The following KLHL1 variants were observed in gnomAD, a reference collection of about 807,000 sequenced individuals.
KLHL1 encodes kelch-like protein 1.
Under a neutral mutation model 77.7 loss-of-function variants are expected in KLHL1, and 47 were observed. That is an observed-to-expected ratio of 0.60 (90% CI 0.48 to 0.77). The LOEUF is 0.77. Ranked by LOEUF, KLHL1 falls within the 30% of genes least tolerant of loss-of-function variation. The pLI, the probability that KLHL1 is intolerant of heterozygous loss-of-function variation, is 0.00. For missense variants in KLHL1, 925 were observed against 910.8 expected (o/e 1.02, Z -0.20); for synonymous variants, 360 against 325.2 (o/e 1.11, Z -1.15).
Position 70,084,622 on chromosome 13 carries a change from C to CTTTTTTTTTTTTTTTTT in KLHL1, c.497+22564_497+22580dup, listed in dbSNP as rs71116988. On this transcript the variant is annotated intron_variant, in intron 1 of 10. Coordinates refer to ENST00000377844, the MANE Select transcript of KLHL1 (RefSeq NM_020866.3). ...TACAGGCACCTGCCACCACGCCAGGCTTTTTTTTTTTTTTTTTTTTTTTTT... is the reference window on the plus strand; with the variant it reads ...TACAGGCACCTGCCACCACGCCAGGCTTTTTTTTTTTTTTTTTTTTTTTTTTTTTTTTTTTTTTTTTT... Among the ~76,000 whole-genome samples the CTTTTTTTTTTTTTTTTT allele has an allele frequency of 2.4e-3, 36 of 14,954 alleles. 9 individuals carry two copies. The highest frequency in any genetic ancestry group is 0.014 in the East Asian group (3 of 220). The allele number at this position is 14,954 out of a possible 152,430, so 9.8% of individuals were successfully genotyped here.
intron 1 of KLHL1, among the ~76,000 whole-genome samples, chr13:69,981,215 T>A (rs1192383780): frequency 1.4e-5 from 2 of 143,890 alleles, no homozygotes; most frequent in African/African-American, 5.9e-5. Context: ...GTGTACATTA[T>A]GACAATACTA....
chr13:69,828,324 A>G (rs1451797965), intron 6 of KLHL1, among the ~76,000 whole-genome samples: 3 of 150,186 alleles, frequency 2.0e-5, no homozygotes, highest in Non-Finnish European at 2.9e-5. Flanking sequence ...GAGCTGAAAC[A>G]AATGTAGAGA....
intron 1 of KLHL1, among the ~76,000 whole-genome samples, chr13:70,066,221 T>C (rs932161049): frequency 6.6e-6 from 1 of 152,164 alleles, no homozygotes; most frequent in Non-Finnish European, 1.5e-5. Flanking sequence ...GGTAGAAAAT[T>C]GAAGTGTGTT....
intron 4 of KLHL1, among the ~76,000 whole-genome samples, chr13:69,931,031 A>G (rs1232017717): frequency 6.6e-6 from 1 of 151,656 alleles, no homozygotes; most frequent in African/African-American, 2.4e-5. Flanking sequence ...TTAATTTGTT[A>G]CTATCATATA....
At chr13:69,900,079 C>G (rs76023102) in intron 4 of KLHL1, among the ~76,000 whole-genome samples, 1,651 of 152,206 alleles carry the variant, frequency 0.011, 12 homozygotes, top group Middle Eastern at 0.044. Flanking sequence ...ACATAGGTCT[C>G]CTTCAACCTT....
At chr13:69,945,250 T>C (rs1482097369) in intron 3 of KLHL1, among the ~76,000 whole-genome samples, 1 of 151,862 alleles carries the variant, frequency 6.6e-6, no homozygotes, top group Non-Finnish European at 1.5e-5. Flanking sequence ...TGGGATTACA[T>C]GCGTGAGCCA....
intron 1 of KLHL1, among the ~76,000 whole-genome samples, chr13:70,026,358 T>G (rs796069345): frequency 2.0e-5 from 3 of 152,130 alleles, no homozygotes; most frequent in Non-Finnish European, 4.4e-5. Flanking sequence ...CAGTACTACA[T>G]ATAGTTAACT....
At chr13:70,062,162 C>G (rs539286201) in intron 1 of KLHL1, among the ~76,000 whole-genome samples, 1 of 152,054 alleles carries the variant, frequency 6.6e-6, no homozygotes, top group Admixed American at 6.6e-5. Context: ...ATGGGAAGCA[C>G]GCTTGTATTT....
chr13:69,785,675 A>G (rs1414230866), intron 7 of KLHL1, among the ~76,000 whole-genome samples: 1 of 150,746 alleles, frequency 6.6e-6, no homozygotes, highest in South Asian at 2.1e-4. Context: ...AACTGAAGGA[A>G]ATAGAGACAC....
chr13:70,066,964 T>C (rs1887022910), intron 1 of KLHL1, among the ~76,000 whole-genome samples: 1 of 152,226 alleles, frequency 6.6e-6, no homozygotes, highest in African/African-American at 2.4e-5. Flanking sequence ...AGCATAAGTC[T>C]TTAGTGTTTT....
intron 2 of KLHL1, among the ~76,000 whole-genome samples, chr13:69,962,849 C>T (rs1884108753): frequency 6.6e-6 from 1 of 151,936 alleles, no homozygotes; most frequent in East Asian, 1.9e-4. Flanking sequence ...TAGAATAAAG[C>T]AATTACTTTT....
chr13:69,938,274 A>T (rs75274319), intron 4 of KLHL1, among the ~76,000 whole-genome samples: 12,886 of 152,164 alleles, frequency 0.085, 609 homozygotes, highest in Non-Finnish European at 0.11. Flanking sequence ...AGAGCATCAC[A>T]TTTTCAAAAT....
intron 3 of KLHL1, among the ~76,000 whole-genome samples, chr13:69,959,429 T>C (rs1386248424): frequency 6.6e-6 from 1 of 151,914 alleles, no homozygotes; most frequent in Non-Finnish European, 1.5e-5. Context: ...TTCCTCCATA[T>C]GACTGTTTCA....
chr13:70,046,221 A>G (rs1288198509), intron 1 of KLHL1, among the ~76,000 whole-genome samples: 3 of 143,804 alleles, frequency 2.1e-5, no homozygotes, highest in African/African-American at 5.1e-5. Context: ...AAGTGTGAGA[A>G]AAAAAAAAAT....
chr13:70,070,061 G>T (rs1157052550), intron 1 of KLHL1, among the ~76,000 whole-genome samples: 1 of 151,696 alleles, frequency 6.6e-6, no homozygotes, highest in Admixed American at 6.6e-5. Context: ...CCAGGTAGTT[G>T]GGAGGCTGAG....
At chr13:69,849,856 T>C (rs927138044) in intron 5 of KLHL1, among the ~76,000 whole-genome samples, 10 of 151,594 alleles carry the variant, frequency 6.6e-5, no homozygotes, top group Non-Finnish European at 1.2e-4. Flanking sequence ...TTTTAAATAA[T>C]TTATTCATTA....
chr13:69,901,722 G>C (rs1881865266), intron 4 of KLHL1, among the ~76,000 whole-genome samples: 1 of 151,870 alleles, frequency 6.6e-6, no homozygotes, highest in South Asian at 2.1e-4. Context: ...TTGCAGTAAT[G>C]GAAAAGTTTA....
intron 1 of KLHL1, among the ~76,000 whole-genome samples, chr13:69,980,577 T>C (rs56033252): frequency 0.15 from 23,096 of 152,124 alleles, 3,723 homozygotes; most frequent in African/African-American, 0.41. Flanking sequence ...ACCTGGAACC[T>C]GCACAACACA....
At chr13:69,788,677 T>C (rs1280615234) in intron 7 of KLHL1, among the ~76,000 whole-genome samples, 1 of 145,018 alleles carries the variant, frequency 6.9e-6, no homozygotes, top group African/African-American at 2.5e-5. Flanking sequence ...TAATAGAAAA[T>C]ATAGTATTTA....
Sources: allele counts gnomAD v4.1 joint callset (sites outside exome capture counted in the v4.1 genomes callset), GRCh38; gene constraint gnomAD v4.1.1; transcripts MANE v1.5; gene names NCBI Gene and HGNC (gene_info 2026-07-23, HGNC 2026-07-21).